PCDHGA1: variants seen among roughly 807,000 people sequenced by gnomAD.
PCDHGA1 encodes the protein protocadherin gamma subfamily A, 1, also known as protocadherin gamma-A1.
A neutral mutation model predicts 58.0 loss-of-function variants in PCDHGA1; 32 were observed. The observed-to-expected ratio is 0.55, with a 90% CI of 0.42 to 0.74. The LOEUF is 0.74. Among genes scored for constraint, PCDHGA1 ranks in the 30% least tolerant of loss-of-function variants. The pLI, the probability that PCDHGA1 is intolerant of heterozygous loss-of-function variation, is 0.00. For missense variants in PCDHGA1, 1,205 were observed against 1,182.3 expected, an observed-to-expected ratio of 1.02 and a Z score of -0.28; for synonymous variants, 498 against 501.1, an observed-to-expected ratio of 0.99 and a Z score of 0.08.
chr5:141,447,541 A>G (rs2098542324), intron 1 of PCDHGA1, among the ~76,000 whole-genome samples: 1 of 152,218 alleles, frequency 6.6e-6, no homozygotes, highest in Non-Finnish European at 1.5e-5. Flanking sequence ...TTGGGTTTTA[A>G]TGTTATGAGT....
At chr5:141,494,676 CT>C (rs2099756021) in intron 1 of PCDHGA1, 130 bp from the exon 2 acceptor site, 6 of 1,550,918 alleles carry the variant, frequency 3.9e-6, no homozygotes, top group Non-Finnish European at 4.4e-6. Context: ...GAGTCCACCC[CT>C]GCCCCCTCTT....
chr5:141,340,419 A>G, intron 1 of PCDHGA1: 1 of 1,614,150 alleles, frequency 6.2e-7, no homozygotes, highest in Non-Finnish European at 8.5e-7. Context: ...GACAGCAACG[A>G]CAATGCTCAT....
In PCDHGA1 at chr5:141,432,536, G is replaced by A. The variant is rs767744134; in HGVS notation, c.2422-62271G>A. 6.2e-7 allele frequency: 1 copy of A among 1,614,050 alleles called. No individual in the cohort carries two copies. Among genetic ancestry groups the A allele is most frequent in the Non-Finnish European group, 8.5e-7 (1 of 1,180,006 alleles). On this transcript the variant is annotated intron_variant, in intron 1 of 3. Coordinates refer to ENST00000517417, the MANE Select transcript of PCDHGA1 (RefSeq NM_018912.3). This position sits in a 1 kb window ranked among gnomAD's most constrained non-coding sequence, Gnocchi z 6.0. ...CGGCTACCTGGTGACCAAGGTGGTG[G>A]CGGTGGACAGAGACTCCGGCCAGAA...
intron 1 of PCDHGA1, chr5:141,340,523 C>A (rs773835264): frequency 1.2e-6 from 2 of 1,614,232 alleles, no homozygotes; most frequent in Non-Finnish European, 1.7e-6. Context: ...CTATGCACTG[C>A]GCTCCTTTGA....
chr5:141,424,697 T>C (rs1467404367), intron 1 of PCDHGA1: 4 of 152,342 alleles, frequency 2.6e-5, no homozygotes, highest in South Asian at 4.1e-4. Context: ...GGCTATTTTT[T>C]TGTTCATTTT....
At chr5:141,408,353 G>A (rs1218585930) in intron 1 of PCDHGA1, 1 of 1,613,816 alleles carries the variant, frequency 6.2e-7, no homozygotes, top group Non-Finnish European at 8.5e-7. Flanking sequence ...GGGGAACCTC[G>A]CTAAGGATCT....
chr5:141,383,949 G>A (rs538018556), intron 1 of PCDHGA1: 18 of 1,613,702 alleles, frequency 1.1e-5, no homozygotes, highest in Non-Finnish European at 1.3e-5. Flanking sequence ...TGACTATGAC[G>A]TCTTTAAGTA....
intron 1 of PCDHGA1, chr5:141,417,867 G>C (rs1182017096): frequency 1.9e-6 from 3 of 1,552,610 alleles, no homozygotes; most frequent in African/African-American, 2.7e-5. Flanking sequence ...ACGATGGGAG[G>C]GAGCTGCGCG....
At chr5:141,394,681 C>G in intron 1 of PCDHGA1, 2 of 1,612,998 alleles carry the variant, frequency 1.2e-6, no homozygotes, top group Non-Finnish European at 1.7e-6. Context: ...GGTCTGCACA[C>G]GGGCGAGGTG....
chr5:141,390,322 C>G, intron 1 of PCDHGA1: 1 of 1,606,310 alleles, frequency 6.2e-7, no homozygotes, highest in South Asian at 1.1e-5. Context: ...CATTGCCTAC[C>G]CATTTCTCCA....
intron 1 of PCDHGA1, among the ~76,000 whole-genome samples, chr5:141,450,726 A>G (rs1302961852): frequency 2.0e-5 from 3 of 151,932 alleles, no homozygotes; most frequent in Admixed American, 2.0e-4. Flanking sequence ...ACCTCAGGTG[A>G]TCCGCCCGCC....
intron 1 of PCDHGA1, among the ~76,000 whole-genome samples, chr5:141,450,375 A>G (rs1338336573): frequency 1.3e-5 from 2 of 152,166 alleles, no homozygotes; most frequent in Non-Finnish European, 2.9e-5. Context: ...GTTTGTTTAT[A>G]TGAAACTGAC....
intron 1 of PCDHGA1, chr5:141,404,204 T>A: frequency 6.2e-7 from 1 of 1,613,718 alleles, no homozygotes; most frequent in Non-Finnish European, 8.5e-7. Context: ...AGCCTCAGAA[T>A]ATAATATCAC....
At chr5:141,401,721 C>T (rs2094186897) in intron 1 of PCDHGA1, among the ~76,000 whole-genome samples, 1 of 152,142 alleles carries the variant, frequency 6.6e-6, no homozygotes, top group Non-Finnish European at 1.5e-5. Flanking sequence ...AAGACAAAAA[C>T]TACTAGTCTT....
chr5:141,394,607 G>A (rs769750411), intron 1 of PCDHGA1: 17 of 1,613,530 alleles, frequency 1.1e-5, no homozygotes, highest in Non-Finnish European at 1.4e-5. Context: ...ACAGAGACTC[G>A]GGCCAGAACG....
chr5:141,365,084 C>T lies in PCDHGA1; in HGVS notation c.2421+31979C>T, dbSNP rs75563633. The T allele has an allele frequency of 1.4e-5, 22 of 1,613,718 alleles. No homozygotes were observed. The South Asian group carries it at 1.4e-4, about 10-fold the overall frequency. On this transcript the variant is annotated intron_variant, in intron 1 of 3. Transcript: ENST00000517417. Reference sequence around the variant, plus strand: ...CCCATCCGAGTACAGCGTGAGTGTTCCAGAGAACATACCTGTGGGCACTCG... The same window carrying T: ...CCCATCCGAGTACAGCGTGAGTGTTTCAGAGAACATACCTGTGGGCACTCG...
chr5:141,502,524 C>T (rs959562458), intron 2 of PCDHGA1, among the ~76,000 whole-genome samples: 3 of 151,910 alleles, frequency 2.0e-5, no homozygotes, highest in East Asian at 1.9e-4. Flanking sequence ...TCAGTGATGC[C>T]GAGTTTGTTC....
At position 141,371,326 on chromosome 5, in the gene PCDHGA1, A is replaced by C. The variant is rs761989628; in HGVS notation, c.2421+38221A>C. ...ACTATTGGAGAACTGGACTTTGAAG[A>C]GAGAGATAGCTACACAATTGGGGTG... On this transcript the variant is annotated intron_variant, in intron 1 of 3. Coordinates refer to ENST00000517417, the MANE Select transcript of PCDHGA1 (RefSeq NM_018912.3). 55 of 1,613,874 alleles carry C rather than the reference A, an allele frequency of 3.4e-5. No homozygotes were observed. The highest frequency in any genetic ancestry group is 4.5e-5 in the Non-Finnish European group (53 of 1,179,892).
intron 1 of PCDHGA1, chr5:141,384,267 C>T (rs1170671342): frequency 6.2e-7 from 1 of 1,613,862 alleles, no homozygotes; most frequent in East Asian, 2.2e-5. Context: ...CCCACTCATC[C>T]TACTCAGTCT....
Sources: allele counts gnomAD v4.1 joint callset (sites outside exome capture counted in the v4.1 genomes callset), GRCh38; gene constraint gnomAD v4.1.1; non-coding constraint Gnocchi (gnomAD v3.1); transcripts MANE v1.5; gene names NCBI Gene and HGNC (gene_info 2026-07-23, HGNC 2026-07-21).